Variants in SLC35F3 observed in about 807,000 individuals in gnomAD.
SLC35F3 encodes the protein putative thiamine transporter SLC35F3.
A neutral mutation model predicts 49.9 loss-of-function variants in SLC35F3; 25 were observed. The ratio of observed to expected loss-of-function variants is 0.50; its 90% confidence interval spans 0.37 to 0.70. The LOEUF (loss-of-function observed/expected upper bound fraction) is 0.70, where lower values mean the gene tolerates loss of function less well. SLC35F3 is among the 30% of genes least tolerant of loss of function. SLC35F3 has a pLI of 0.00. For synonymous variants in SLC35F3, 275 were observed against 265.4 expected, an observed-to-expected ratio of 1.04 and a Z score of -0.35; for missense variants, 525 against 639.8, an observed-to-expected ratio of 0.82 and a Z score of 1.94.
At chr1:234,252,554 T>C (rs1667754031) in intron 3 of SLC35F3, among the ~76,000 whole-genome samples, 1 of 151,964 alleles carries the variant, frequency 6.6e-6, no homozygotes, top group Non-Finnish European at 1.5e-5. Flanking sequence ...AATAGAGAAA[T>C]GAACAAAGGA....
At chr1:234,059,946 T>A (rs1664516315) in intron 2 of SLC35F3, among the ~76,000 whole-genome samples, 1 of 152,212 alleles carries the variant, frequency 6.6e-6, no homozygotes, top group Non-Finnish European at 1.5e-5. Context: ...TGGGTCTGCC[T>A]TCCCCAGCCC....
chr1:233,931,677 G>A (rs868417681), intron 2 of SLC35F3, among the ~76,000 whole-genome samples: 83 of 152,248 alleles, frequency 5.5e-4, no homozygotes, highest in African/African-American at 1.7e-3. Flanking sequence ...AAATAGGAAC[G>A]CTTTTACACT....
chr1:233,919,814 C>T (rs948323351), intron 2 of SLC35F3, among the ~76,000 whole-genome samples: 3 of 152,070 alleles, frequency 2.0e-5, no homozygotes, highest in African/African-American at 4.8e-5. Flanking sequence ...ATGGGGAAGC[C>T]GTTTTGAGGG....
At chr1:234,240,547 G>A (rs1667537221) in intron 3 of SLC35F3, among the ~76,000 whole-genome samples, 1 of 152,016 alleles carries the variant, frequency 6.6e-6, no homozygotes. Context: ...AGAGGTTGCA[G>A]TGAGCCAAGA....
intron 2 of SLC35F3, among the ~76,000 whole-genome samples, chr1:234,068,907 A>T (rs28588935): frequency 1.6e-5 from 2 of 127,140 alleles, no homozygotes; most frequent in East Asian, 2.1e-4. Context: ...TATTATATAT[A>T]TTTTTATATG....
chr1:233,924,691 C>T (rs1157942929), intron 2 of SLC35F3, among the ~76,000 whole-genome samples: 1 of 152,110 alleles, frequency 6.6e-6, no homozygotes, highest in African/African-American at 2.4e-5. Context: ...AATGTGTTTG[C>T]TCTTGCTTCT....
chr1:234,319,788 T>G (rs1173922017), intron 6 of SLC35F3, among the ~76,000 whole-genome samples: 1 of 152,148 alleles, frequency 6.6e-6, no homozygotes, highest in East Asian at 1.9e-4. Context: ...CCCAGAAGCA[T>G]TGCCAGCAGC....
chr1:234,229,429 AT>A (rs1667334523), intron 2 of SLC35F3, among the ~76,000 whole-genome samples: 1 of 152,346 alleles, frequency 6.6e-6, no homozygotes, highest in South Asian at 2.1e-4. Flanking sequence ...CCATAGAAAC[AT>A]TTTAGCAATA....
At chr1:234,024,152 G>A (rs1452230292) in intron 2 of SLC35F3, among the ~76,000 whole-genome samples, 2 of 151,870 alleles carry the variant, frequency 1.3e-5, no homozygotes, top group African/African-American at 4.8e-5. Context: ...GGGGTATATA[G>A]GAACCCTTTA....
chr1:234,314,984 T>G (rs1657449610), intron 4 of SLC35F3, among the ~76,000 whole-genome samples: 1 of 152,240 alleles, frequency 6.6e-6, no homozygotes, highest in Non-Finnish European at 1.5e-5. Flanking sequence ...TTTCCCTTTT[T>G]TATTTTCTTG....
intron 2 of SLC35F3, among the ~76,000 whole-genome samples, chr1:233,991,675 T>C (rs1395025622): frequency 6.6e-6 from 1 of 152,124 alleles, no homozygotes; most frequent in East Asian, 1.9e-4. Flanking sequence ...TTTTAGCTAA[T>C]TAGTGTCTCT....
Position 234,142,371 on chromosome 1 carries a change from C to T in SLC35F3, c.284-89046C>T, listed in dbSNP as rs1031822059. 2.6e-5 allele frequency among the ~76,000 whole-genome samples: 4 copies of T among 152,134 alleles called. No homozygotes were observed. The South Asian group carries it at 8.3e-4, about 32-fold the overall frequency. On this transcript the variant is annotated intron_variant, in intron 2 of 7. Coordinates refer to ENST00000366618, the MANE Select transcript of SLC35F3 (RefSeq NM_173508.4). Reference sequence around the variant, plus strand: ...GCTCTGGTGAGATGCTGTTCATGAACAAGAAAGGAGCTCATGCCCACGGCC... The same window carrying T: ...GCTCTGGTGAGATGCTGTTCATGAATAAGAAAGGAGCTCATGCCCACGGCC...
intron 2 of SLC35F3, among the ~76,000 whole-genome samples, chr1:234,018,218 A>G (rs1663834880): frequency 6.6e-6 from 1 of 152,232 alleles, no homozygotes; most frequent in African/African-American, 2.4e-5. Context: ...TTGCAAATAC[A>G]GAATCCGTGA....
At chr1:234,301,443 C>A (rs1668690431) in intron 3 of SLC35F3, among the ~76,000 whole-genome samples, 1 of 152,160 alleles carries the variant, frequency 6.6e-6, no homozygotes, top group African/African-American at 2.4e-5. Context: ...GAAAAAAATG[C>A]TCAACATCAC....
intron 2 of SLC35F3, among the ~76,000 whole-genome samples, chr1:234,217,116 A>G (rs1490446696): frequency 6.6e-6 from 1 of 152,236 alleles, no homozygotes; most frequent in Non-Finnish European, 1.5e-5. Context: ...GTGTTTCTGT[A>G]TGGATGGCAG....
intron 2 of SLC35F3, among the ~76,000 whole-genome samples, chr1:233,931,869 A>G (rs1474061265): frequency 6.6e-6 from 1 of 152,210 alleles, no homozygotes; most frequent in East Asian, 1.9e-4. Flanking sequence ...CACTATTCAC[A>G]ATAGCAAAGA....
At chr1:233,917,324 A>C (rs4920229) in intron 2 of SLC35F3, among the ~76,000 whole-genome samples, 43,294 of 152,184 alleles carry the variant, frequency 0.28, 7,378 homozygotes, top group Admixed American at 0.48. Context: ...ACAGCTTCTT[A>C]GCTACAGGGG....
At chr1:233,940,369 CAGAGAG>C (rs10579621) in intron 2 of SLC35F3, among the ~76,000 whole-genome samples, 45 of 146,916 alleles carry the variant, frequency 3.1e-4, no homozygotes, top group South Asian at 2.4e-3. Context: ...CACACACACA[CAGAGAG>C]AGAGAGAGAG....
intron 2 of SLC35F3, among the ~76,000 whole-genome samples, chr1:233,972,385 T>C (rs1663010413): frequency 6.6e-6 from 1 of 152,236 alleles, no homozygotes; most frequent in East Asian, 1.9e-4. Flanking sequence ...ATGTTTTATA[T>C]ATATGTATGA....
Sources: gnomAD v4.1 joint callset for allele counts (sites outside exome capture counted in the v4.1 genomes callset) on GRCh38, gnomAD v4.1.1 for gene constraint, MANE v1.5 for transcripts, NCBI Gene and HGNC (gene_info 2026-07-23, HGNC 2026-07-21) for gene names.